SLC5A2: variants seen among roughly 807,000 people sequenced by gnomAD.
SLC5A2 encodes the protein solute carrier family 5 member 2, also known as sodium/glucose cotransporter 2.
In SLC5A2, 67 loss-of-function variants were observed where a neutral mutation model predicts 69.0. The ratio of observed to expected loss-of-function variants is 0.97; its 90% CI spans 0.80 to 1.19. The LOEUF is 1.19. Ranked by LOEUF, SLC5A2 falls within the 50% of genes most tolerant of loss-of-function variation. The pLI is 0.00. For missense variants in SLC5A2, 1,001 were observed against 921.5 expected, an observed-to-expected ratio of 1.09 and a Z score of -1.12; for synonymous variants, 455 against 395.8, an observed-to-expected ratio of 1.15 and a Z score of -1.78.
In SLC5A2 at chr16:31,490,326, C is replaced by A; in HGVS notation, c.1810C>A (p.Pro604Thr). ...MEMNEPQAPAPSLFRQCLLWF... is the reference protein window; with the variant it reads ...MEMNEPQAPATSLFRQCLLWF... ...TCCCTCAGAGCCCCAGGCCCCGGCA[C>A]CAAGCCTCTTCCGCCAGTGCCTGCT... The change falls in exon 14 of 14, where the codon CCA becomes ACA. Residue 604 changes from proline to threonine, a missense_variant. Physicochemically the swap from Pro to Thr is conservative, Grantham distance 38. Transcript: ENST00000330498. 2 of 1,612,416 alleles carry A rather than the reference C, an allele frequency of 1.2e-6. No individual in the cohort carries two copies. Among genetic ancestry groups the A allele is most frequent in the East Asian group, 2.2e-5 (1 of 44,848 alleles).
rs2082559704 is a variant in SLC5A2, at chr16:31,490,723, C to G, written c.*188C>G. ...TCACTTCCCATGAGGGCCTGGCCCA[C>G]CCGCTGCAGTTGCCCTAAGGAAAAA... On this transcript the variant is annotated 3_prime_UTR_variant, in exon 14 of 14. Transcript: ENST00000330498. The G allele has an allele frequency of 7.7e-7, 1 of 1,291,112 alleles. No homozygotes were observed. The highest frequency in any genetic ancestry group is 1.5e-5 in the African/African-American group (1 of 68,370). 80.0% of individuals were successfully genotyped at this position (1,291,112 alleles called of 1,614,324 possible). A position where few individuals can be genotyped will look rare whatever the true frequency, so the allele number is the denominator to read the frequency against.
At chr16:31,489,596 A>C in intron 12 of SLC5A2, 1 of 582,108 alleles carries the variant, frequency 1.7e-6, no homozygotes. Context: ...TTTGGGACTC[A>C]AAACACAGGA....
At position 31,489,249 on chromosome 16, in the gene SLC5A2, TACC is replaced by T; in HGVS notation, c.1577_1579del (p.Tyr526_Leu527delinsPhe). 6.2e-7 allele frequency: 1 copy of T among 1,610,768 alleles called. No individual in the cohort carries two copies. Among genetic ancestry groups the T allele is most frequent in the Non-Finnish European group, 8.5e-7 (1 of 1,179,974 alleles). On this transcript the variant is annotated inframe_deletion, in exon 12 of 14. Transcript: ENST00000330498. The stretch of plus-strand genomic sequence containing the variant: ...CCCAGCTTTCCTCTGCGGCGTGCAC[TACC>T]TCTACTTCGCCATTGTGCTGTTCTT...
intron 3 of SLC5A2, 54 bp from the exon 4 acceptor site, chr16:31,485,675 G>C: frequency 1.2e-6 from 2 of 1,603,136 alleles, no homozygotes; most frequent in Non-Finnish European, 1.7e-6. Context: ...GAAGAGGTCA[G>C]ATCCTCAGGG....
chr16:31,489,159 G>A lies in SLC5A2; in HGVS notation c.1486G>A (p.Gly496Ser). 6.2e-7 allele frequency: 1 copy of A among 1,609,832 alleles called. No homozygotes were observed. The highest frequency in any genetic ancestry group is 8.5e-7 in the Non-Finnish European group (1 of 1,180,000). The change falls in exon 12 of 14, where the codon GGC (glycine) becomes AGC (serine). Residue 496 changes from glycine (G) to serine (S), a missense_variant. Physicochemically the swap from Gly to Ser is moderately conservative, Grantham distance 56. Coordinates refer to ENST00000330498, the MANE Select transcript of SLC5A2 (RefSeq NM_003041.4). ...GGGACTCATCGGGGGCCTGCTGATG[G>A]GCCTGGCACGCCTGATTCCCGAGTT... is the stretch of plus-strand genomic sequence containing the variant. Reference protein sequence around the residue: ...FWGLIGGLLMGLARLIPEFSF... With the variant: ...FWGLIGGLLMSLARLIPEFSF...
chr16:31,489,092 T>A, intron 11 of SLC5A2, 31 bp from the exon 12 acceptor site: 1 of 1,604,462 alleles, frequency 6.2e-7, no homozygotes, highest in East Asian at 2.2e-5. Flanking sequence ...GGCTTGCACA[T>A]CCTCAGCAGG....
rs760986994 is a variant in SLC5A2, at chr16:31,484,753, G to T, written c.198+9G>T. ...GCATGGTGTGGTGGCCGGTGAGACG[G>T]GCTGGGCCGGGAACGGGAGGGGCCT... On this transcript the variant is annotated intron_variant, in intron 2 of 13. Transcript: ENST00000330498. 1 of 1,610,676 alleles carries T rather than the reference G, an allele frequency of 6.2e-7. No homozygotes were observed. The highest frequency in any genetic ancestry group is 1.1e-5 in the South Asian group (1 of 91,084).
At position 31,490,711 on chromosome 16, in the gene SLC5A2, G is replaced by T; in HGVS notation, c.*176G>T. 1 of 1,214,922 alleles carries T rather than the reference G, an allele frequency of 8.2e-7. No individual in the cohort carries two copies. The highest frequency in any genetic ancestry group is 1.2e-6 in the Non-Finnish European group (1 of 834,378). 75.3% of individuals were successfully genotyped at this position (1,214,922 alleles called of 1,614,324 possible). A position where few individuals can be genotyped will look rare whatever the true frequency, so the allele number is the denominator to read the frequency against. On this transcript the variant is annotated 3_prime_UTR_variant, in exon 14 of 14. Transcript: ENST00000330498. The stretch of plus-strand genomic sequence containing the variant: ...TCTGATTGGCAGTCACTTCCCATGA[G>T]GGCCTGGCCCACCCGCTGCAGTTGC...
chr16:31,488,609 C>A lies in SLC5A2; in HGVS notation c.1130-13C>A, dbSNP rs1225514970. The A allele has an allele frequency of 6.2e-7, 1 of 1,609,258 alleles. No individual in the cohort carries two copies. Among genetic ancestry groups the A allele is most frequent in the Non-Finnish European group, 8.5e-7 (1 of 1,178,740 alleles). On this transcript the variant is annotated splice_polypyrimidine_tract_variant and intron_variant, in intron 9 of 13. Transcript: ENST00000330498. The stretch of plus-strand genomic sequence containing the variant: ...CCAGTGGCCCCAGCCTCACGGCTGC[C>A]GTCGGCCCGCAGGTCTGCGCGGACT...
At chr16:31,489,400 G>A (rs560409172) in intron 12 of SLC5A2, 62 bp downstream of exon 12, 27 of 1,483,216 alleles carry the variant, frequency 1.8e-5, no homozygotes, top group Admixed American at 7.2e-5. Context: ...CTGCTTCCTG[G>A]AGTGCCCAGC....
chr16:31,488,632 A>C lies in SLC5A2; in HGVS notation c.1140A>C (p.Gly380=). ...VVKLMPNGLR[G]LMLAVMLAAL... ...GCCGTCGGCCCGCAGGTCTGCGCGG[A>C]CTCATGCTGGCGGTCATGCTGGCCG... The change falls in exon 10 of 14, where the codon GGA becomes GGC. Residue 380 remains glycine, a synonymous_variant. Transcript: ENST00000330498. 3 of 1,611,450 alleles carry C rather than the reference A, an allele frequency of 1.9e-6. No individual in the cohort carries two copies. In the Admixed American group the frequency reaches 5.0e-5, roughly 27 times the overall value.
rs2082537676 is a variant in SLC5A2, at chr16:31,489,346, G to A, written c.1665+8G>A. 2 of 1,605,138 alleles carry A rather than the reference G, an allele frequency of 1.2e-6. No homozygotes were observed. The highest frequency in any genetic ancestry group is 1.7e-6 in the Non-Finnish European group (2 of 1,179,250). ...CCCATCCCCAGAAAGCACGTGAGTG[G>A]CCAGGTGCCCCAGGCAAGCACTGTG... On this transcript the variant is annotated splice_region_variant and intron_variant, in intron 12 of 13. Coordinates refer to ENST00000330498, the MANE Select transcript of SLC5A2 (RefSeq NM_003041.4).
chr16:31,485,408 G>A lies in SLC5A2; in HGVS notation c.304-321G>A, dbSNP rs998484635. On this transcript the variant is annotated intron_variant, in intron 3 of 13. Transcript: ENST00000330498. ...CTGAGCTGATCCTTGAGGGACACAA[G>A]GTTTGGGTGGCTTTGGCTCAGGTCA... 3.9e-4 allele frequency: 189 copies of A among 489,918 alleles called. 9 individuals are homozygous for A. The highest frequency in any genetic ancestry group is 1.2e-3 in the South Asian group (55 of 46,368). The allele number at this position is 489,918 out of a possible 1,614,324, so 30.3% of individuals were successfully genotyped here.
Position 31,484,911 on chromosome 16 carries a change from A to G in SLC5A2, c.291A>G (p.Gly97=). Residue 97 remains glycine, a synonymous_variant, in exon 3 of 14, where the codon GGA becomes GGG. Coordinates refer to ENST00000330498, the MANE Select transcript of SLC5A2 (RefSeq NM_003041.4). The part of the protein sequence containing the change: ...TGAASGLAVA[G]FEWNALFVVL... ...CTGCAAGTGGCTTGGCTGTTGCTGG[A>G]TTCGAGTGGAATGTGAGGCCCTCTT... is the stretch of plus-strand genomic sequence containing the variant. 1 of 1,614,022 alleles carries G rather than the reference A, an allele frequency of 6.2e-7. No homozygotes were observed. The highest frequency in any genetic ancestry group is 8.5e-7 in the Non-Finnish European group (1 of 1,179,976).
chr16:31,483,252 T>C lies in SLC5A2; in HGVS notation c.116T>C (p.Val39Ala), dbSNP rs535067122. ...GCATATTTCCTGCTGGTCATTGGCG[T>C]TGGCTTGTGGGTGAGAAGTTGGGGG... ...IAAYFLLVIG[V>A]GLWSMCRTNR... Residue 39 changes from valine (V) to alanine (A), a missense_variant, in exon 1 of 14, where the codon GTT (valine) becomes GCT (alanine). By Grantham distance (64) the Val-to-Ala change is moderately conservative. Coordinates refer to ENST00000330498, the MANE Select transcript of SLC5A2 (RefSeq NM_003041.4). 8 of 1,613,654 alleles carry C rather than the reference T, an allele frequency of 5.0e-6. No homozygotes were observed. The African/African-American group carries it at 8.0e-5, about 16-fold the overall frequency.
Position 31,485,723 on chromosome 16 carries a change from C to A in SLC5A2, c.304-6C>A. ...CCACCCTCAGCGGCAGTACTGCCCCCCGTAGGCGCTCTTCGTGGTGCTGCT... is the reference window on the plus strand; with the variant it reads ...CCACCCTCAGCGGCAGTACTGCCCCACGTAGGCGCTCTTCGTGGTGCTGCT... On this transcript the variant is annotated splice_polypyrimidine_tract_variant and splice_region_variant and intron_variant, in intron 3 of 13. Transcript: ENST00000330498. 6.2e-7 allele frequency: 1 copy of A among 1,612,716 alleles called. No individual in the cohort carries two copies. Among genetic ancestry groups the A allele is most frequent in the Non-Finnish European group, 8.5e-7 (1 of 1,180,022 alleles).
chr16:31,485,034 A>G, intron 3 of SLC5A2, 111 bp downstream of exon 3: 1 of 986,902 alleles, frequency 1.0e-6, no homozygotes, highest in Non-Finnish European at 1.6e-6. Context: ...GGGACTTCCC[A>G]ACTGCGGGGT....
chr16:31,485,792 A>G lies in SLC5A2; in HGVS notation c.367A>G (p.Ile123Val). ...ACCCGTGTACCTGACAGCGGGGGTC[A>G]TCACGATGCCACAGTACCTGCGCAA... ...FAPVYLTAGV[I>V]TMPQYLRKRF... The change falls in exon 4 of 14, where the codon ATC (isoleucine) becomes GTC (valine). Residue 123 changes from isoleucine (I) to valine (V), a missense_variant. By Grantham distance (29) the Ile-to-Val change is conservative. Coordinates refer to ENST00000330498, the MANE Select transcript of SLC5A2 (RefSeq NM_003041.4). The G allele has an allele frequency of 6.2e-6, 10 of 1,613,708 alleles. No individual in the cohort carries two copies. The highest frequency in any genetic ancestry group is 8.5e-6 in the Non-Finnish European group (10 of 1,179,996).
Position 31,486,165 on chromosome 16 carries a change from C to A in SLC5A2, c.469-5C>A. The A allele has an allele frequency of 6.2e-7, 1 of 1,611,204 alleles. No individual in the cohort carries two copies. The highest frequency in any genetic ancestry group is 1.3e-5 in the African/African-American group (1 of 74,978). ...TCCTGACCTGGCACTTGCTTCTCCC[C>A]CAAGGTGGACATGTTCTCCGGAGCT... On this transcript the variant is annotated splice_polypyrimidine_tract_variant and splice_region_variant and intron_variant, in intron 4 of 13. Transcript: ENST00000330498.
Sources: allele counts gnomAD v4.1 joint callset, GRCh38; gene constraint gnomAD v4.1.1; transcripts MANE v1.5; gene names NCBI Gene and HGNC (gene_info 2026-07-23, HGNC 2026-07-21).